Variants in RUNX1T1 observed in about 807,000 individuals in gnomAD.
The protein encoded by RUNX1T1 is protein CBFA2T1.
In RUNX1T1, 4 loss-of-function variants were observed where a neutral mutation model predicts 62.8. That is an observed-to-expected ratio of 0.06 (90% CI 0.03 to 0.15). The LOEUF (loss-of-function observed/expected upper bound fraction) is 0.15, where lower values mean the gene tolerates loss of function less well. RUNX1T1 is among the 10% of genes least tolerant of loss of function. The probability of loss-of-function intolerance (pLI) is 1.00; values close to 1 mark genes in which losing one functional copy is unlikely to be tolerated. For synonymous variants in RUNX1T1, 291 were observed against 286.0 expected (o/e 1.02, Z -0.18); for missense variants, 508 against 754.3 (o/e 0.67, Z 3.82).
At chr8:91,985,236 C>G (rs1425371059) in intron 8 of RUNX1T1, among the ~76,000 whole-genome samples, 1 of 152,142 alleles carries the variant, frequency 6.6e-6, no homozygotes, top group Non-Finnish European at 1.5e-5. Flanking sequence ...CGTAAGTTTA[C>G]TCAAAAAGTA....
chr8:91,972,120 T>A (rs2130642668), intron 9 of RUNX1T1, among the ~76,000 whole-genome samples: 1 of 152,262 alleles, frequency 6.6e-6, no homozygotes, highest in South Asian at 2.1e-4. Flanking sequence ...CTTAATTAAA[T>A]GTTCTGTTTA....
At chr8:92,024,193 C>A (rs1824671838) in intron 1 of RUNX1T1, among the ~76,000 whole-genome samples, 1 of 151,994 alleles carries the variant, frequency 6.6e-6, no homozygotes, top group Admixed American at 6.6e-5. Flanking sequence ...TCACCAAAAC[C>A]AAGAAATGCT....
chr8:92,060,927 G>C (rs897464223), intron 1 of RUNX1T1, among the ~76,000 whole-genome samples: 3 of 151,448 alleles, frequency 2.0e-5, no homozygotes, highest in Non-Finnish European at 3.0e-5. Flanking sequence ...GTTGATGAGA[G>C]AGAGAGAGAG....
chr8:92,092,250 C>G (rs1332816084), intron 1 of RUNX1T1, among the ~76,000 whole-genome samples: 1 of 152,138 alleles, frequency 6.6e-6, no homozygotes, highest in African/African-American at 2.4e-5. Flanking sequence ...TTTAAGACAT[C>G]TTAAGAGTTT....
intron 1 of RUNX1T1, among the ~76,000 whole-genome samples, chr8:92,030,897 A>G (rs75872880): frequency 0.058 from 8,855 of 152,246 alleles, 338 homozygotes; most frequent in Non-Finnish European, 0.087. Flanking sequence ...CCAGGTGTCC[A>G]TATCTCCAAG....
chr8:92,097,446 G>A (rs1173265437), intron 1 of RUNX1T1, among the ~76,000 whole-genome samples: 7 of 151,980 alleles, frequency 4.6e-5, no homozygotes, highest in Admixed American at 1.3e-4. Flanking sequence ...CAGAGTAACC[G>A]AAAGCAACCA....
chr8:92,034,947 A>T (rs1488373926), intron 1 of RUNX1T1, among the ~76,000 whole-genome samples: 7 of 151,986 alleles, frequency 4.6e-5, no homozygotes, highest in African/African-American at 7.2e-5. Flanking sequence ...ACAGAAAGTC[A>T]AATACTGCAT....
At chr8:91,961,472 C>T (rs1180698081) in intron 10 of RUNX1T1, among the ~76,000 whole-genome samples, 1 of 152,126 alleles carries the variant, frequency 6.6e-6, no homozygotes, top group Non-Finnish European at 1.5e-5. Flanking sequence ...AAGTTCACTG[C>T]CAGTTGTGGG....
intron 1 of RUNX1T1, among the ~76,000 whole-genome samples, chr8:92,037,867 A>G (rs1246415035): frequency 2.0e-5 from 3 of 152,066 alleles, no homozygotes; most frequent in Admixed American, 1.3e-4. Flanking sequence ...AACAATAAAT[A>G]TTTTTTAAGA....
At chr8:91,997,725 C>T (rs1203998605) in intron 5 of RUNX1T1, among the ~76,000 whole-genome samples, 1 of 152,120 alleles carries the variant, frequency 6.6e-6, no homozygotes, top group East Asian at 1.9e-4. Flanking sequence ...CCTTGTCACA[C>T]CATGGTCCCA....
chr8:92,017,153 A>T, intron 2 of RUNX1T1, 73 bp downstream of exon 3: 1 of 1,112,474 alleles, frequency 9.0e-7, no homozygotes, highest in Non-Finnish European at 1.3e-6. Context: ...TTTTCCCTTG[A>T]TTTTTCATTT....
intron 6 of RUNX1T1, among the ~76,000 whole-genome samples, chr8:91,987,587 AAATT>A (rs1478699737): frequency 3.3e-5 from 5 of 152,202 alleles, no homozygotes; most frequent in East Asian, 1.9e-4. Flanking sequence ...CTTCAAAAAA[AAATT>A]AATATACCAG....
rs199683971 is a variant in RUNX1T1, at chr8:92,014,091, AAAG to A, written c.387+485_387+487del. 2.3e-3 allele frequency among the ~76,000 whole-genome samples: 347 copies of A among 152,330 alleles called. 1 individual carries two copies. The highest frequency in any genetic ancestry group is 7.7e-3 in the African/African-American group (319 of 41,574). ...TTCATCTTAAAAATGACACTAGATA[AAAG>A]AAGAATGTGTTGTTACAAATTCTTG... On this transcript the variant is annotated intron_variant, in intron 3 of 10. Coordinates refer to ENST00000396218, the Ensembl canonical transcript of RUNX1T1.
intron 10 of RUNX1T1, among the ~76,000 whole-genome samples, chr8:91,967,652 A>C (rs2130563354): frequency 6.6e-6 from 1 of 152,362 alleles, no homozygotes; most frequent in Admixed American, 6.5e-5. Flanking sequence ...TAACACAAAT[A>C]GCGCAGAAGA....
intron 6 of RUNX1T1, 103 bp from the exon 8 acceptor site, chr8:91,987,075 A>G: frequency 1.3e-6 from 1 of 773,146 alleles, no homozygotes; most frequent in Non-Finnish European, 2.3e-6. Context: ...CGATGTAAAA[A>G]TACGTTTGAT....
intron 1 of RUNX1T1, among the ~76,000 whole-genome samples, chr8:92,077,407 G>A (rs967466933): frequency 2.6e-5 from 4 of 152,048 alleles, no homozygotes; most frequent in East Asian, 1.9e-4. Flanking sequence ...ATATGTACAC[G>A]TATAGGTTGT....
At chr8:92,004,328 C>A (rs1178089684) in intron 5 of RUNX1T1, 1 of 152,142 alleles carries the variant, frequency 6.6e-6, no homozygotes, top group African/African-American at 2.4e-5. Flanking sequence ...AAACACTATG[C>A]AAAATGATGC....
intron 2 of RUNX1T1, among the ~76,000 whole-genome samples, chr8:92,070,917 C>A (rs1366263052): frequency 1.3e-5 from 2 of 152,190 alleles, no homozygotes; most frequent in Non-Finnish European, 1.5e-5. Context: ...GAAACACCAC[C>A]ACCACCACCT....
chr8:92,010,445 G>C (rs1821702845), intron 4 of RUNX1T1: 1 of 152,218 alleles, frequency 6.6e-6, no homozygotes, highest in African/African-American at 2.4e-5. Context: ...GTGTTTGTTT[G>C]TTTTCCAGTT....
Sources: allele counts gnomAD v4.1 joint callset (sites outside exome capture counted in the v4.1 genomes callset), GRCh38; gene constraint gnomAD v4.1.1; transcripts MANE v1.5; gene names NCBI Gene and HGNC (gene_info 2026-07-23, HGNC 2026-07-21).